Variants in LRBA observed in about 807,000 individuals in gnomAD.
LRBA encodes lipopolysaccharide-responsive and beige-like anchor protein.
A neutral mutation model predicts 330.0 loss-of-function variants in LRBA; 176 were observed. The observed-to-expected ratio is 0.53, with a 90% confidence interval of 0.47 to 0.60. The LOEUF is 0.60. LRBA is among the 20% of genes least tolerant of loss of function. The pLI is 0.00. For synonymous variants in LRBA, 1,230 were observed against 1,193.0 expected (o/e 1.03, Z -0.64); for missense variants, 3,259 against 3,444.8 (o/e 0.95, Z 1.35).
intron 2 of LRBA, among the ~76,000 whole-genome samples, chr4:150,940,979 T>C (rs1427334765): frequency 6.6e-6 from 1 of 152,102 alleles, no homozygotes; most frequent in Non-Finnish European, 1.5e-5. Flanking sequence ...TTGCTTTCAG[T>C]GTATCTACTG....
At chr4:150,758,426 C>G (rs967338952) in intron 35 of LRBA, among the ~76,000 whole-genome samples, 13 of 152,122 alleles carry the variant, frequency 8.5e-5, no homozygotes, top group Non-Finnish European at 1.9e-4. Flanking sequence ...CACATCCAAG[C>G]CATTAGAATA....
chr4:150,923,197 AAAC>A (rs1367898649), intron 4 of LRBA, among the ~76,000 whole-genome samples: 2 of 151,600 alleles, frequency 1.3e-5, no homozygotes, highest in African/African-American at 4.8e-5. Flanking sequence ...AAAAAAAAAA[AAAC>A]AACTATACTT....
At chr4:150,305,191 T>C (rs1730202824) in intron 52 of LRBA, among the ~76,000 whole-genome samples, 1 of 152,126 alleles carries the variant, frequency 6.6e-6, no homozygotes, top group African/African-American at 2.4e-5. Context: ...AGCTATTCAC[T>C]TGGTAACTTA....
At chr4:150,304,025 A>G (rs1008086072) in intron 52 of LRBA, among the ~76,000 whole-genome samples, 1 of 152,232 alleles carries the variant, frequency 6.6e-6, no homozygotes, top group Admixed American at 6.5e-5. Context: ...CAGAGTCTAC[A>G]GATGAATGCC....
intron 48 of LRBA, among the ~76,000 whole-genome samples, chr4:150,327,906 T>C (rs1733499763): frequency 6.6e-6 from 1 of 152,138 alleles, no homozygotes; most frequent in Non-Finnish European, 1.5e-5. Flanking sequence ...AACTGAAATC[T>C]GGCTTGGGAT....
chr4:150,539,567 G>A lies in LRBA; in HGVS notation c.6330+48481C>T, dbSNP rs78046654. On this transcript the variant is annotated intron_variant, in intron 40 of 56. Transcript: ENST00000651943. ...TTAATACCAGTAGTCTTATAAAGTC[G>A]AAAGGAGATTCACAGTATCAACATA... Among the ~76,000 whole-genome samples, 643 of 152,222 alleles carry A rather than the reference G, an allele frequency of 4.2e-3. 3 individuals carry two copies. The highest frequency in any genetic ancestry group is 0.015 in the African/African-American group (622 of 41,540).
Position 150,569,666 on chromosome 4 carries a change from T to C in LRBA, c.6330+18382A>G, listed in dbSNP as rs530143713. On this transcript the variant is annotated intron_variant, in intron 40 of 56. Transcript: ENST00000651943. ...ATATGAAGTTACATTATTGGAGCTT[T>C]TTATTTTCCAGTCGGTAATTAACAG... Among the ~76,000 whole-genome samples the C allele has an allele frequency of 2.0e-5, 3 of 152,282 alleles. No homozygotes were observed. In the South Asian group the frequency reaches 6.2e-4, roughly 32 times the overall value.
Position 150,915,637 on chromosome 4 carries a change from C to G in LRBA, c.985G>C (p.Glu329Gln). The stretch of plus-strand genomic sequence containing the variant: ...CTAGTGTTGACAAACCATGTTATCT[C>G]TCCATAGGAAGCCAGCTCACCATTC... ...YVNGELASYG[E>Q]ITWFVNTSDT... Residue 329 changes from glutamate to glutamine, a missense_variant, in exon 8 of 57, where the codon GAG (glutamate) becomes CAG (glutamine). Transcript: ENST00000651943. 1 of 1,613,050 alleles carries G rather than the reference C, an allele frequency of 6.2e-7. No individual in the cohort carries two copies. Among genetic ancestry groups the G allele is most frequent in the Non-Finnish European group, 8.5e-7 (1 of 1,179,404 alleles).
chr4:150,518,475 T>G (rs28580527), intron 40 of LRBA, among the ~76,000 whole-genome samples: 2 of 152,284 alleles, frequency 1.3e-5, no homozygotes, highest in East Asian at 3.9e-4. Flanking sequence ...TGTATGGTCA[T>G]GTAGGATGAA....
At chr4:150,639,446 T>G (rs28802622) in intron 37 of LRBA, among the ~76,000 whole-genome samples, 9,831 of 146,708 alleles carry the variant, frequency 0.067, 561 homozygotes, top group East Asian at 0.18. Context: ...TTAATCTATC[T>G]AAAAATAATG....
intron 2 of LRBA, among the ~76,000 whole-genome samples, chr4:151,003,411 A>C (rs945125755): frequency 6.6e-6 from 1 of 151,928 alleles, no homozygotes; most frequent in Non-Finnish European, 1.5e-5. Flanking sequence ...AAAAAAAAAA[A>C]AACAAAATCC....
At chr4:150,862,048 G>A (rs1394274818) in intron 22 of LRBA, among the ~76,000 whole-genome samples, 2 of 152,122 alleles carry the variant, frequency 1.3e-5, no homozygotes, top group African/African-American at 4.8e-5. Context: ...TGGAGAGGAT[G>A]TGGAGAAATA....
intron 22 of LRBA, among the ~76,000 whole-genome samples, chr4:150,866,239 AT>A (rs1320642280): frequency 6.6e-6 from 1 of 152,252 alleles, no homozygotes; most frequent in Non-Finnish European, 1.5e-5. Flanking sequence ...AATGAAACTA[AT>A]AGATTTTAAT....
chr4:150,533,621 T>C (rs896227063), intron 40 of LRBA, among the ~76,000 whole-genome samples: 1 of 152,190 alleles, frequency 6.6e-6, no homozygotes, highest in African/African-American at 2.4e-5. Context: ...TGCTCTGAAG[T>C]AATGAACCTG....
chr4:150,631,954 G>C (rs1777421442), intron 37 of LRBA, among the ~76,000 whole-genome samples: 1 of 152,200 alleles, frequency 6.6e-6, no homozygotes, highest in Non-Finnish European at 1.5e-5. Context: ...GGTTGGGCTG[G>C]GCGTGGTGGC....
In LRBA at chr4:150,500,578, C is replaced by CTAAA. The variant is rs200941206; in HGVS notation, c.6331-9547_6331-9544dup. On this transcript the variant is annotated intron_variant, in intron 40 of 56. Coordinates refer to ENST00000651943, the MANE Select transcript of LRBA (RefSeq NM_001364905.1). ...GGGCAGCAAGAGCGAGACTCTGTCT[C>CTAAA]TAAATAAATAAATAAATAAATAATC... Among the ~76,000 whole-genome samples the CTAAA allele has an allele frequency of 8.2e-3, 1,246 of 151,858 alleles. 19 individuals carry two copies. The highest frequency in any genetic ancestry group is 0.074 in the East Asian group (378 of 5,136).
At chr4:150,327,288 T>C (rs1733407187) in intron 48 of LRBA, among the ~76,000 whole-genome samples, 1 of 151,872 alleles carries the variant, frequency 6.6e-6, no homozygotes, top group South Asian at 2.1e-4. Context: ...GGTGTGCTGG[T>C]GTGTGCCTCA....
intron 35 of LRBA, among the ~76,000 whole-genome samples, chr4:150,753,597 T>C (rs1582245139): frequency 6.6e-6 from 1 of 152,194 alleles, no homozygotes; most frequent in South Asian, 2.1e-4. Flanking sequence ...ATCCAAGCCA[T>C]CTTTCCTAAA....
chr4:150,831,767 G>C (rs772806650), intron 29 of LRBA, 50 bp downstream of exon 29: 1 of 1,395,888 alleles, frequency 7.2e-7, no homozygotes, highest in Non-Finnish European at 9.7e-7. Context: ...TCAAAAGTAA[G>C]TAACATTTAT....
Sources: gnomAD v4.1 joint callset for allele counts (sites outside exome capture counted in the v4.1 genomes callset) on GRCh38, gnomAD v4.1.1 for gene constraint, MANE v1.5 for transcripts, NCBI Gene and HGNC (gene_info 2026-07-23, HGNC 2026-07-21) for gene names.